Variants in EYA3 observed in about 807,000 individuals in gnomAD.
The protein encoded by EYA3 is EYA transcriptional coactivator and phosphatase 3.
Under a neutral mutation model 80.0 loss-of-function variants are expected in EYA3, and 39 were observed. That is an observed-to-expected ratio of 0.49 (90% CI 0.38 to 0.64). EYA3 has a LOEUF of 0.64. Among genes scored for constraint, EYA3 ranks in the 30% least tolerant of loss-of-function variants. The pLI, the probability that EYA3 is intolerant of heterozygous loss-of-function variation, is 0.00. For synonymous variants in EYA3, 206 were observed against 232.8 expected (o/e 0.88, Z 1.05); for missense variants, 523 against 676.1 (o/e 0.77, Z 2.51).
intron 9 of EYA3, among the ~76,000 whole-genome samples, chr1:28,011,902 T>C (rs1283309240): frequency 6.6e-6 from 1 of 152,210 alleles, no homozygotes; most frequent in African/African-American, 2.4e-5. Context: ...TTATGTTGTT[T>C]TGAAATATGT....
At chr1:27,996,700 G>A (rs897523607) in intron 13 of EYA3, among the ~76,000 whole-genome samples, 4 of 152,204 alleles carry the variant, frequency 2.6e-5, no homozygotes, top group Non-Finnish European at 5.9e-5. Context: ...CTTATAAAAA[G>A]GGATAAACAT....
At chr1:28,021,128 C>T (rs909502298) in intron 7 of EYA3, among the ~76,000 whole-genome samples, 6 of 152,126 alleles carry the variant, frequency 3.9e-5, no homozygotes, top group Admixed American at 1.3e-4. Context: ...TTAGTTTTTA[C>T]CCACCTCTCT....
At chr1:28,028,470 T>C (rs1436510331) in intron 6 of EYA3, among the ~76,000 whole-genome samples, 1 of 152,142 alleles carries the variant, frequency 6.6e-6, no homozygotes. Flanking sequence ...ATTAAAAACA[T>C]TACAGAAATA....
Position 27,993,560 on chromosome 1 carries a change from G to T in EYA3, c.1143C>A (p.Ser381Arg). 1.3e-6 allele frequency: 2 copies of T among 1,575,628 alleles called. No individual in the cohort carries two copies. Among genetic ancestry groups the T allele is most frequent in the Non-Finnish European group, 8.6e-7 (1 of 1,168,420 alleles). The change falls in exon 14 of 18, where the codon AGC becomes AGA. Residue 381 changes from serine to arginine, a missense_variant and splice_region_variant. Coordinates refer to ENST00000373871, the MANE Select transcript of EYA3 (RefSeq NM_001990.4). ...AACCATCTGTTGAGAAACTGTAGTT[G>T]CTGCAAGGAGAGAAGATAATAAAAA... ...VASDDNGQDL[S>R]NYSFSTDGFS...
intron 16 of EYA3, among the ~76,000 whole-genome samples, chr1:27,985,807 C>T (rs929308155): frequency 6.6e-6 from 1 of 152,030 alleles, no homozygotes; most frequent in African/African-American, 2.4e-5. Flanking sequence ...GTCTTGAACT[C>T]CTGGCCACAA....
intron 1 of EYA3, among the ~76,000 whole-genome samples, chr1:28,072,189 A>T (rs1645040662): frequency 6.6e-6 from 1 of 152,212 alleles, no homozygotes; most frequent in African/African-American, 2.4e-5. Context: ...AACAGAACCA[A>T]AACTAGTAGC....
At chr1:27,994,721 A>T (rs1268791166) in intron 13 of EYA3, among the ~76,000 whole-genome samples, 2 of 152,028 alleles carry the variant, frequency 1.3e-5, no homozygotes, top group Admixed American at 1.3e-4. Flanking sequence ...AATTCCAACT[A>T]TTTGGGAGGC....
chr1:28,053,267 T>C (rs1042798467), intron 2 of EYA3, among the ~76,000 whole-genome samples: 1 of 152,030 alleles, frequency 6.6e-6, no homozygotes, highest in Non-Finnish European at 1.5e-5. Flanking sequence ...TACTGCACTG[T>C]ATACGCTAAA....
intron 13 of EYA3, among the ~76,000 whole-genome samples, chr1:27,996,018 G>A (rs1640428993): frequency 1.3e-5 from 2 of 151,904 alleles, no homozygotes; most frequent in Non-Finnish European, 2.9e-5. Flanking sequence ...GACTACAGGC[G>A]CATGCCACCA....
chr1:28,020,129 G>A (rs1642332024), intron 7 of EYA3, among the ~76,000 whole-genome samples: 1 of 152,132 alleles, frequency 6.6e-6, no homozygotes, highest in Non-Finnish European at 1.5e-5. Flanking sequence ...TTAATGAATT[G>A]TACTGGAGGT....
At chr1:28,017,802 G>C (rs1209469682) in intron 7 of EYA3, among the ~76,000 whole-genome samples, 1 of 152,100 alleles carries the variant, frequency 6.6e-6, no homozygotes, top group Non-Finnish European at 1.5e-5. Context: ...CAATGACATA[G>C]CATTTAGAGA....
At chr1:28,042,814 G>A (rs1340716529) in intron 3 of EYA3, among the ~76,000 whole-genome samples, 164 bp from the exon 4 acceptor site, 1 of 151,832 alleles carries the variant, frequency 6.6e-6, no homozygotes, top group Non-Finnish European at 1.5e-5. Context: ...AAGAGAGCTC[G>A]GGCCAGGGCT....
intron 2 of EYA3, among the ~76,000 whole-genome samples, 172 bp downstream of exon 2, chr1:28,057,822 T>C (rs1571915317): frequency 6.6e-6 from 1 of 152,198 alleles, no homozygotes; most frequent in Non-Finnish European, 1.5e-5. Context: ...AAATTTTCCT[T>C]AGACTCCTTA....
At chr1:28,059,623 T>C (rs531069102) in intron 1 of EYA3, among the ~76,000 whole-genome samples, 10 of 152,240 alleles carry the variant, frequency 6.6e-5, no homozygotes, top group Non-Finnish European at 1.0e-4. Flanking sequence ...TAAATGTACA[T>C]TATGTACATA....
intron 1 of EYA3, among the ~76,000 whole-genome samples, chr1:28,079,502 G>C (rs942794862): frequency 5.9e-5 from 9 of 152,182 alleles, no homozygotes; most frequent in African/African-American, 2.2e-4. Flanking sequence ...CAGAAGCAAG[G>C]TTTGTGAAAA....
In EYA3 at chr1:28,038,892, G is replaced by T; in HGVS notation, c.171C>A (p.Thr57=). Residue 57 remains threonine, a synonymous_variant, in exon 5 of 18, where the codon ACC becomes ACA. Transcript: ENST00000373871. ...CATTGGATGAGCGAGGGATGTAATC[G>T]GTGCATGTCATAACTGAAAGAAAGA... ...LPMSEEIMTC[T]DYIPRSSNDY... 3 of 1,595,536 alleles carry T rather than the reference G, an allele frequency of 1.9e-6. No homozygotes were observed. The highest frequency in any genetic ancestry group is 1.7e-6 in the Non-Finnish European group (2 of 1,168,322).
rs1270083068 is a variant in EYA3, at chr1:28,009,067, A to G, written c.909+1880T>C. Among the ~76,000 whole-genome samples, 5 of 152,258 alleles carry G rather than the reference A, an allele frequency of 3.3e-5. No individual in the cohort carries two copies. Among genetic ancestry groups the G allele is most frequent in the Non-Finnish European group, 7.3e-5 (5 of 68,048 alleles). ...AAGAGTATAAAACCGTGCAGCCACAATGAAAAATAGTTTGGTGGTTTCTCA... is the reference window on the plus strand; with the variant it reads ...AAGAGTATAAAACCGTGCAGCCACAGTGAAAAATAGTTTGGTGGTTTCTCA... On this transcript the variant is annotated intron_variant, in intron 10 of 17. Coordinates refer to ENST00000373871, the MANE Select transcript of EYA3 (RefSeq NM_001990.4). This position sits in a 1 kb window ranked among gnomAD's most constrained non-coding sequence, Gnocchi z 4.8.
chr1:28,044,860 C>T (rs557605987), intron 3 of EYA3, among the ~76,000 whole-genome samples: 133 of 152,160 alleles, frequency 8.7e-4, no homozygotes, highest in South Asian at 7.3e-3. Flanking sequence ...CAGCTTTGAC[C>T]TCCCGGGCTC....
intron 10 of EYA3, among the ~76,000 whole-genome samples, chr1:28,005,039 AG>A (rs1435267942): frequency 9.9e-5 from 15 of 152,214 alleles, no homozygotes; most frequent in African/African-American, 3.6e-4. Flanking sequence ...GGATTACAAG[AG>A]AATACTATGC....
Sources: allele counts gnomAD v4.1 joint callset (sites outside exome capture counted in the v4.1 genomes callset), GRCh38; gene constraint gnomAD v4.1.1; non-coding constraint Gnocchi (gnomAD v3.1); transcripts MANE v1.5; gene names NCBI Gene and HGNC (gene_info 2026-07-23, HGNC 2026-07-21).